HTR1F: variants seen among roughly 807,000 people sequenced by gnomAD.
The protein encoded by HTR1F is 5-hydroxytryptamine (serotonin) receptor 1F, G protein-coupled.
A neutral mutation model predicts 24.0 loss-of-function variants in HTR1F; 17 were observed. The ratio of observed to expected loss-of-function variants is 0.71; its 90% CI spans 0.48 to 1.06. The LOEUF (loss-of-function observed/expected upper bound fraction) is 1.06, where lower values mean the gene tolerates loss of function less well. Among genes scored for constraint, HTR1F ranks in the 50% least tolerant of loss-of-function variants. The probability of loss-of-function intolerance (pLI) is 0.00; values close to 1 mark genes in which losing one functional copy is unlikely to be tolerated. For missense variants in HTR1F, 391 were observed against 427.8 expected (o/e 0.91, Z 0.76); for synonymous variants, 186 against 156.8 (o/e 1.19, Z -1.39).
chr3:87,800,789 A>G (rs1298321212), intron 1 of HTR1F, among the ~76,000 whole-genome samples: 1 of 152,214 alleles, frequency 6.6e-6, no homozygotes, highest in Admixed American at 6.5e-5. Flanking sequence ...ATCACCTCAA[A>G]AAATTGTCTT....
chr3:87,801,308 G>A (rs1703985657), intron 1 of HTR1F, among the ~76,000 whole-genome samples: 1 of 152,126 alleles, frequency 6.6e-6, no homozygotes, highest in Non-Finnish European at 1.5e-5. Context: ...GTATACCAGT[G>A]TAGTAGCACA....
At chr3:87,905,796 T>C (rs1346122279) in intron 2 of HTR1F, among the ~76,000 whole-genome samples, 1 of 151,694 alleles carries the variant, frequency 6.6e-6, no homozygotes, top group African/African-American at 2.4e-5. Context: ...GGCACAAAGA[T>C]AGCATTTTTT....
intron 2 of HTR1F, among the ~76,000 whole-genome samples, chr3:87,929,417 C>A (rs1471185860): frequency 6.6e-6 from 1 of 152,148 alleles, no homozygotes; most frequent in Non-Finnish European, 1.5e-5. Context: ...AAATCAGCTT[C>A]AAAATTTACT....
intron 2 of HTR1F, among the ~76,000 whole-genome samples, chr3:87,884,196 T>C (rs1256600422): frequency 6.6e-6 from 1 of 152,148 alleles, no homozygotes; most frequent in African/African-American, 2.4e-5. Context: ...TACTCAACAT[T>C]CTTAAAGAAA....
intron 2 of HTR1F, among the ~76,000 whole-genome samples, chr3:87,883,769 T>A (rs1332355521): frequency 1.3e-5 from 2 of 151,888 alleles, no homozygotes; most frequent in Non-Finnish European, 2.9e-5. Context: ...ATCAATGAAA[T>A]AAAGCAAGAA....
chr3:87,863,243 G>A (rs185980364), intron 2 of HTR1F, among the ~76,000 whole-genome samples: 1 of 152,258 alleles, frequency 6.6e-6, no homozygotes, highest in East Asian at 1.9e-4. Context: ...GGGTTTTGTT[G>A]GTTTGTTTCC....
chr3:87,946,365 C>T (rs547715172), intron 2 of HTR1F, among the ~76,000 whole-genome samples: 12 of 151,932 alleles, frequency 7.9e-5, no homozygotes, highest in Non-Finnish European at 1.5e-4. Flanking sequence ...GGGAGGGGCC[C>T]CAAAGAGGGT....
intron 2 of HTR1F, among the ~76,000 whole-genome samples, chr3:87,871,528 G>A (rs542477755): frequency 1.3e-5 from 2 of 152,126 alleles, no homozygotes; most frequent in East Asian, 3.9e-4. Context: ...CCAAATCTGA[G>A]GAAGAAAATG....
chr3:87,864,411 G>A (rs2107236688), intron 2 of HTR1F, among the ~76,000 whole-genome samples: 1 of 152,252 alleles, frequency 6.6e-6, no homozygotes, highest in South Asian at 2.1e-4. Context: ...AAAACTGTTA[G>A]AATTTATACA....
rs867613799 is a variant in HTR1F at position 87,850,467 on chromosome 3, G to A, written c.-43+28343G>A. 2.3e-4 allele frequency among the ~76,000 whole-genome samples: 35 copies of A among 151,940 alleles called. 1 individual carries two copies. Among genetic ancestry groups the A allele is most frequent in the Middle Eastern group, 6.8e-3 (2 of 294 alleles). On this transcript the variant is annotated intron_variant, in intron 2 of 2. Transcript: ENST00000319595. The stretch of plus-strand genomic sequence containing the variant: ...ACACCGGGGCCTGTTGTGGGGTGGG[G>A]GGAGTGGAGAGGGATAACATTAGGA...
intron 2 of HTR1F, among the ~76,000 whole-genome samples, chr3:87,849,277 A>G (rs1210006615): frequency 6.6e-6 from 1 of 151,802 alleles, no homozygotes; most frequent in Non-Finnish European, 1.5e-5. Flanking sequence ...TCAATGCAAC[A>G]GAACAGAGCC....
chr3:87,930,063 C>T (rs113939341), intron 2 of HTR1F, among the ~76,000 whole-genome samples: 4,964 of 150,252 alleles, frequency 0.033, 247 homozygotes, highest in African/African-American at 0.11. Context: ...TTGAGATTGC[C>T]TTTCTGATTT....
intron 2 of HTR1F, among the ~76,000 whole-genome samples, chr3:87,922,409 T>C (rs1162209112): frequency 2.6e-5 from 4 of 151,894 alleles, no homozygotes. Context: ...ATATGGTAAA[T>C]ATTAAGCCCC....
At chr3:87,983,226 A>G (rs1705590616) in intron 2 of HTR1F, among the ~76,000 whole-genome samples, 1 of 152,188 alleles carries the variant, frequency 6.6e-6, no homozygotes, top group African/African-American at 2.4e-5. Flanking sequence ...TGAGAAGTGT[A>G]TGTCAGGATC....
intron 2 of HTR1F, among the ~76,000 whole-genome samples, chr3:87,968,370 G>A (rs9861035): frequency 0.5 from 76,479 of 151,874 alleles, 22,106 homozygotes; most frequent in South Asian, 0.7. Flanking sequence ...CTGACATCAC[G>A]CCCAGCTAAT....
intron 2 of HTR1F, among the ~76,000 whole-genome samples, chr3:87,886,108 T>C (rs994598437): frequency 6.6e-6 from 1 of 152,132 alleles, no homozygotes; most frequent in Non-Finnish European, 1.5e-5. Context: ...ACTGGCAAAC[T>C]GAATCTAGCA....
intron 2 of HTR1F, among the ~76,000 whole-genome samples, chr3:87,905,641 A>G (rs769520490): frequency 6.6e-6 from 1 of 151,998 alleles, no homozygotes; most frequent in Non-Finnish European, 1.5e-5. Context: ...GAATGTTATT[A>G]CAATTTGTCT....
chr3:87,849,888 T>C (rs143876901), intron 2 of HTR1F, among the ~76,000 whole-genome samples: 55,434 of 151,630 alleles, frequency 0.37, 14,887 homozygotes, highest in African/African-American at 0.76. Flanking sequence ...CAGAGAAATG[T>C]AAATCAAAAC....
chr3:87,947,378 C>T (rs992454413), intron 2 of HTR1F, among the ~76,000 whole-genome samples: 9 of 151,906 alleles, frequency 5.9e-5, no homozygotes, highest in African/African-American at 2.2e-4. Context: ...TCTTAACAAA[C>T]AAGTGAAAAT....
Sources: gnomAD v4.1 joint callset for allele counts (sites outside exome capture counted in the v4.1 genomes callset) on GRCh38, gnomAD v4.1.1 for gene constraint, MANE v1.5 for transcripts, NCBI Gene and HGNC (gene_info 2026-07-23, HGNC 2026-07-21) for gene names.